FRMD4A: variants seen among roughly 807,000 people sequenced by gnomAD.
The protein encoded by FRMD4A is FERM domain-containing protein 4A.
In FRMD4A, 29 loss-of-function variants were observed where a neutral mutation model predicts 129.1. The ratio of observed to expected loss-of-function variants is 0.22; its 90% CI spans 0.17 to 0.31. The LOEUF (loss-of-function observed/expected upper bound fraction) is 0.31. Ranked by LOEUF, FRMD4A falls within the 10% of genes least tolerant of loss-of-function variation. The probability of loss-of-function intolerance (pLI) is 1.00; values close to 1 mark genes in which losing one functional copy is unlikely to be tolerated. For missense variants in FRMD4A, 1,272 were observed against 1,375.8 expected (o/e 0.92, Z 1.19); for synonymous variants, 634 against 571.6 (o/e 1.11, Z -1.56).
intron 2 of FRMD4A, among the ~76,000 whole-genome samples, chr10:14,156,786 G>C (rs756052243): frequency 1.6e-4 from 25 of 152,212 alleles, no homozygotes; most frequent in Non-Finnish European, 3.1e-4. Flanking sequence ...GGCTGTTCCT[G>C]GAACATAGCT....
intron 2 of FRMD4A, among the ~76,000 whole-genome samples, chr10:14,213,111 G>C (rs1309113108): frequency 6.6e-6 from 1 of 152,090 alleles, no homozygotes; most frequent in African/African-American, 2.4e-5. Flanking sequence ...ACCACACCTG[G>C]TATGTGCTTG....
At chr10:14,000,807 A>G (rs1485305494) in intron 2 of FRMD4A, among the ~76,000 whole-genome samples, 1 of 152,088 alleles carries the variant, frequency 6.6e-6, no homozygotes, top group South Asian at 2.1e-4. Context: ...AGGAGAAGCT[A>G]GATTGGATGT....
chr10:14,279,182 A>ATTTTTTTT lies in FRMD4A; in HGVS notation c.45+50868_45+50875dup, dbSNP rs1223887250. 7.5e-3 allele frequency among the ~76,000 whole-genome samples: 746 copies of ATTTTTTTT among 99,594 alleles called. 18 individuals carry two copies. Among genetic ancestry groups the ATTTTTTTT allele is most frequent in the Non-Finnish European group, 0.011 (555 of 52,306 alleles). The allele number at this position is 99,594 out of a possible 152,430, so 65.3% of individuals were successfully genotyped here. On this transcript the variant is annotated intron_variant, in intron 2 of 24. Coordinates refer to ENST00000357447, the MANE Select transcript of FRMD4A (RefSeq NM_018027.5). ...ACTATGCCCCTGAGGAGGAAGCGGG[A>ATTTTTTTT]TTTTTTTTTTTTTTTTTTTTTTTTG...
In FRMD4A at chr10:14,210,417, C is replaced by T. The variant is rs189768971; in HGVS notation, c.45+119641G>A. ...CTACTTAGTTTATGGTGTTTTGTTA[C>T]AGCAGCCCAAACAGACTAACATGCA... On this transcript the variant is annotated intron_variant, in intron 2 of 24. Coordinates refer to ENST00000357447, the MANE Select transcript of FRMD4A (RefSeq NM_018027.5). Among the ~76,000 whole-genome samples the T allele has an allele frequency of 1.2e-4, 19 of 152,278 alleles. No individual in the cohort carries two copies. In the East Asian group the frequency reaches 1.5e-3, roughly 12 times the overall value.
chr10:13,985,489 G>A (rs1411126516), intron 2 of FRMD4A, among the ~76,000 whole-genome samples: 1 of 152,240 alleles, frequency 6.6e-6, no homozygotes, highest in African/African-American at 2.4e-5. Context: ...GGGAGTGGGT[G>A]TGAGTTCAGG....
chr10:13,857,282 C>A (rs576942679), intron 3 of FRMD4A, among the ~76,000 whole-genome samples: 63 of 152,118 alleles, frequency 4.1e-4, no homozygotes, highest in African/African-American at 1.4e-3. Context: ...ATTTATGCAG[C>A]TGTTCAGGAG....
chr10:14,057,989 G>A (rs1189618683), intron 2 of FRMD4A, among the ~76,000 whole-genome samples: 1 of 152,226 alleles, frequency 6.6e-6, no homozygotes, highest in Admixed American at 6.5e-5. Flanking sequence ...AATAAAAAGA[G>A]AGCTCTGGTC....
At chr10:13,660,288 AT>A in intron 20 of FRMD4A, 27 bp downstream of exon 20, 1 of 1,432,184 alleles carries the variant, frequency 7.0e-7, no homozygotes. Context: ...GGGAGGCCTC[AT>A]TTGGCCTCAT....
intron 2 of FRMD4A, among the ~76,000 whole-genome samples, chr10:13,990,925 A>G (rs1014171215): frequency 6.6e-6 from 1 of 152,132 alleles, no homozygotes; most frequent in Non-Finnish European, 1.5e-5. Flanking sequence ...AACAAATCAA[A>G]AAGAAAGCCA....
intron 2 of FRMD4A, among the ~76,000 whole-genome samples, chr10:14,112,411 C>G (rs1188214187): frequency 6.6e-6 from 1 of 152,114 alleles, no homozygotes; most frequent in African/African-American, 2.4e-5. Flanking sequence ...GTGGTTGTGT[C>G]TATTTTCTTG....
rs1188766587 is a variant in FRMD4A, at chr10:14,138,768, A to AAAAAAAG, written c.45+191283_45+191289dup. On this transcript the variant is annotated intron_variant, in intron 2 of 24. Transcript: ENST00000357447. ...GACAGACTCCATCTAAAAAAAAAAGAAAAAAAGAAAAAAAGAACAGAAAAT... is the reference window on the plus strand; with the variant it reads ...GACAGACTCCATCTAAAAAAAAAAGAAAAAAAGAAAAAAGAAAAAAAGAACAGAAAAT... Among the ~76,000 whole-genome samples the AAAAAAAG allele has an allele frequency of 9.8e-4, 142 of 144,668 alleles. 1 individual carries two copies. The highest frequency in any genetic ancestry group is 3.4e-3 in the African/African-American group (137 of 40,762). 94.9% of individuals were successfully genotyped at this position (144,668 alleles called of 152,430 possible).
intron 2 of FRMD4A, among the ~76,000 whole-genome samples, chr10:13,881,345 C>T (rs1410547401): frequency 2.0e-5 from 3 of 151,918 alleles, no homozygotes; most frequent in African/African-American, 7.3e-5. Context: ...ATCACTTGAG[C>T]CCAGGAGTTC....
intron 4 of FRMD4A, among the ~76,000 whole-genome samples, chr10:13,807,191 A>G (rs369389946): frequency 6.6e-6 from 1 of 152,174 alleles, no homozygotes; most frequent in South Asian, 2.1e-4. Flanking sequence ...CTTTGTTTGC[A>G]TGTATCACCA....
chr10:14,220,474 T>A (rs1198410514), intron 2 of FRMD4A, among the ~76,000 whole-genome samples: 3 of 152,080 alleles, frequency 2.0e-5, no homozygotes, highest in Admixed American at 6.5e-5. Context: ...CCAAAGGGGG[T>A]GCCAGGATGA....
chr10:13,958,476 G>C (rs2095424579), intron 2 of FRMD4A, among the ~76,000 whole-genome samples: 1 of 151,666 alleles, frequency 6.6e-6, no homozygotes, highest in South Asian at 2.1e-4. Flanking sequence ...GTAGAGACGG[G>C]GTTTCACCGT....
intron 2 of FRMD4A, among the ~76,000 whole-genome samples, chr10:14,131,393 T>C (rs923770453): frequency 3.7e-5 from 5 of 133,884 alleles, no homozygotes; most frequent in African/African-American, 1.2e-4. Flanking sequence ...CCCAACTCAC[T>C]GTGCCCCCCC....
At chr10:13,723,324 G>A (rs2089613640) in intron 12 of FRMD4A, among the ~76,000 whole-genome samples, 1 of 152,160 alleles carries the variant, frequency 6.6e-6, no homozygotes, top group South Asian at 2.1e-4. Flanking sequence ...CATTTGTAGT[G>A]GTATCTTGGT....
At chr10:13,709,668 G>A (rs1589483648) in intron 12 of FRMD4A, among the ~76,000 whole-genome samples, 6 of 152,148 alleles carry the variant, frequency 3.9e-5, no homozygotes, top group Admixed American at 3.9e-4. Context: ...TGCATACCAC[G>A]GCGGTCCCTC....
chr10:13,982,482 A>G (rs1414903191), intron 2 of FRMD4A, among the ~76,000 whole-genome samples: 1 of 3,258 alleles, frequency 3.1e-4, no homozygotes, highest in Non-Finnish European at 1.1e-3. Flanking sequence ...AGGGGAGGGG[A>G]GGGGAGGGGA....
Sources: allele counts gnomAD v4.1 joint callset (sites outside exome capture counted in the v4.1 genomes callset), GRCh38; gene constraint gnomAD v4.1.1; transcripts MANE v1.5; gene names NCBI Gene and HGNC (gene_info 2026-07-23, HGNC 2026-07-21).